The following KNTC1 variants were observed in gnomAD, a reference collection of about 807,000 sequenced individuals.
The protein encoded by KNTC1 is kinetochore associated 1.
In KNTC1, 253 loss-of-function variants were observed where a neutral mutation model predicts 314.4. The observed-to-expected ratio is 0.80, with a 90% CI of 0.73 to 0.89. The LOEUF (loss-of-function observed/expected upper bound fraction) is 0.89. Among genes scored for constraint, KNTC1 ranks in the 40% least tolerant of loss-of-function variants. The probability of loss-of-function intolerance (pLI) is 0.00; values close to 1 mark genes in which losing one functional copy is unlikely to be tolerated. For synonymous variants in KNTC1, 901 were observed against 901.4 expected (o/e 1.00, Z 0.01); for missense variants, 2,475 against 2,572.9 (o/e 0.96, Z 0.82).
rs1871940610 is a variant in KNTC1, at chr12:122,601,727, C to G, written c.4653+102C>G. 4 of 1,099,356 alleles carry G rather than the reference C, an allele frequency of 3.6e-6. No homozygotes were observed. In the African/African-American group the frequency reaches 6.6e-5, roughly 18 times the overall value. 68.1% of individuals were successfully genotyped at this position (1,099,356 alleles called of 1,614,324 possible). The stretch of plus-strand genomic sequence containing the variant: ...GCCTTTCCAAATTATCCATTGAATT[C>G]CCTTTAAACTCTGTGGTTTATTTTA... On this transcript the variant is annotated intron_variant, in intron 45 of 63. Coordinates refer to ENST00000333479, the MANE Select transcript of KNTC1 (RefSeq NM_014708.6).
chr12:122,564,873 A>G (rs1964205734), intron 20 of KNTC1, among the ~76,000 whole-genome samples: 1 of 152,168 alleles, frequency 6.6e-6, no homozygotes, highest in South Asian at 2.1e-4. Context: ...ATTCTGATAA[A>G]TAGATTTAAA....
chr12:122,537,581 G>T (rs954082257), intron 3 of KNTC1, among the ~76,000 whole-genome samples: 2 of 151,922 alleles, frequency 1.3e-5, no homozygotes, highest in Admixed American at 6.6e-5. Context: ...ACCATGTCCG[G>T]CTAATTTTAT....
intron 20 of KNTC1, among the ~76,000 whole-genome samples, chr12:122,566,671 A>G (rs1003447816): frequency 4.0e-5 from 6 of 151,846 alleles, no homozygotes; most frequent in African/African-American, 1.5e-4. Flanking sequence ...TGGCCTCCCA[A>G]AGTGCTGGGT....
Position 122,568,243 on chromosome 12 carries a change from CCTT to C in KNTC1, c.1605-14_1605-12del, listed in dbSNP as rs1565965351. The C allele has an allele frequency of 1.4e-5, 17 of 1,215,146 alleles. No individual in the cohort carries two copies. Among genetic ancestry groups the C allele is most frequent in the African/African-American group, 3.1e-5 (2 of 65,296 alleles). The allele number at this position is 1,215,146 out of a possible 1,614,324, so 75.3% of individuals were successfully genotyped here. ...ATTTTTTTTAAAACTGACTTTTTTC[CCTT>C]CTTTGTCTATTCAGTGGCAGTTCTT... On this transcript the variant is annotated splice_polypyrimidine_tract_variant and intron_variant, in intron 20 of 63. Transcript: ENST00000333479.
chr12:122,572,509 G>T (rs760130464), intron 24 of KNTC1, among the ~76,000 whole-genome samples: 1 of 152,124 alleles, frequency 6.6e-6, no homozygotes, highest in Non-Finnish European at 1.5e-5. Context: ...TCCTCTTGCT[G>T]TAAAACATTA....
chr12:122,618,470 T>TG lies in KNTC1; in HGVS notation c.6086-12_6086-11insG, dbSNP rs747054684. 1.6e-4 allele frequency: 261 copies of TG among 1,609,586 alleles called. No homozygotes were observed. Among genetic ancestry groups the TG allele is most frequent in the Middle Eastern group, 8.3e-4 (5 of 6,060 alleles). ...TGTGTATATCATGGTTGTTTTTTTG[T>TG]TTTGTTTTCAGCCTCTTGTCCTTTA... On this transcript the variant is annotated splice_polypyrimidine_tract_variant and intron_variant, in intron 58 of 63. Coordinates refer to ENST00000333479, the MANE Select transcript of KNTC1 (RefSeq NM_014708.6).
At chr12:122,562,975 C>A (rs938620618) in intron 20 of KNTC1, among the ~76,000 whole-genome samples, 3 of 151,784 alleles carry the variant, frequency 2.0e-5, no homozygotes, top group African/African-American at 7.3e-5. Context: ...TGCCACTGCA[C>A]CCCAGCCTGG....
chr12:122,601,655 T>C (rs1871927270), intron 45 of KNTC1, 30 bp downstream of exon 45: 2 of 1,445,096 alleles, frequency 1.4e-6, no homozygotes, highest in African/African-American at 1.5e-5. Flanking sequence ...GATGTAAAAA[T>C]CATCTTTCTG....
intron 29 of KNTC1, among the ~76,000 whole-genome samples, chr12:122,576,334 G>A (rs1051863525): frequency 1.3e-4 from 20 of 152,114 alleles, no homozygotes; most frequent in African/African-American, 4.8e-4. Context: ...CTCCCATAGT[G>A]TTGGGATTAC....
At chr12:122,614,914 C>A in intron 55 of KNTC1, 77 bp from the exon 56 acceptor site, 2 of 953,220 alleles carry the variant, frequency 2.1e-6, no homozygotes, top group Non-Finnish European at 3.2e-6. Flanking sequence ...TTGTATTAAG[C>A]TGCCCTACTT....
intron 43 of KNTC1, 146 bp downstream of exon 43, chr12:122,594,531 C>G (rs1870767339): frequency 8.3e-6 from 5 of 599,638 alleles, no homozygotes; most frequent in Non-Finnish European, 1.5e-5. Context: ...AATATGAAAT[C>G]AGATTAGAGT....
chr12:122,563,592 A>G, intron 20 of KNTC1: 1 of 329,626 alleles, frequency 3.0e-6, no homozygotes. Flanking sequence ...TCCTAGTAGT[A>G]AATTTACCCA....
At chr12:122,582,394 G>A (rs1868539534) in intron 33 of KNTC1, among the ~76,000 whole-genome samples, 1 of 152,146 alleles carries the variant, frequency 6.6e-6, no homozygotes. Context: ...TCCAGCCTGG[G>A]CAACAGAGTG....
intron 7 of KNTC1, 70 bp downstream of exon 7, chr12:122,543,704 GTATATAATTGGTCTACTTCTTGATATT>G: frequency 1.1e-6 from 1 of 881,804 alleles, no homozygotes; most frequent in Non-Finnish European, 1.7e-6. Context: ...GAATGTTTCT[GTATATAATTGGTCTACTTCTTGATATT>G]TTAGAAATTA....
intron 24 of KNTC1, 60 bp downstream of exon 24, chr12:122,571,186 C>T: frequency 7.9e-7 from 1 of 1,270,872 alleles, no homozygotes; most frequent in Non-Finnish European, 1.1e-6. Context: ...AAGGGTTTGT[C>T]TGCATGTATG....
At chr12:122,595,102 C>G (rs1870856417) in intron 43 of KNTC1, among the ~76,000 whole-genome samples, 1 of 152,232 alleles carries the variant, frequency 6.6e-6, no homozygotes, top group Non-Finnish European at 1.5e-5. Context: ...TCCCGAACTC[C>G]TGACCTCAAG....
chr12:122,588,343 G>A (rs954571766), intron 39 of KNTC1, among the ~76,000 whole-genome samples: 1 of 152,036 alleles, frequency 6.6e-6, no homozygotes, highest in Non-Finnish European at 1.5e-5. Context: ...TTGATAACTC[G>A]CTTATGAAAC....
chr12:122,556,991 A>G (rs1963644413), intron 16 of KNTC1, among the ~76,000 whole-genome samples: 1 of 148,524 alleles, frequency 6.7e-6, no homozygotes, highest in Admixed American at 6.7e-5. Context: ...CCTGGGCTCA[A>G]ATGGTTGTCC....
In KNTC1 at chr12:122,586,701, A is replaced by G; in HGVS notation, c.3674A>G (p.Glu1225Gly). The change falls in exon 38 of 64, where the codon GAA (glutamate) becomes GGA (glycine). Residue 1225 changes from glutamate to glycine, a missense_variant and splice_region_variant. Glu to Gly is a moderately conservative substitution (Grantham distance 98, BLOSUM62 -2). Coordinates refer to ENST00000333479, the MANE Select transcript of KNTC1 (RefSeq NM_014708.6). ...TTTAATGTTTTATTATCTTTTGTAG[A>G]AAGCAAGAGATATCCCTTGGAGTCT... ...ELISSLVPLA[E>G]SKRYPLESTS... 6.9e-7 allele frequency: 1 copy of G among 1,454,286 alleles called. No individual in the cohort carries two copies. The highest frequency in any genetic ancestry group is 9.2e-7 in the Non-Finnish European group (1 of 1,087,312). 90.1% of individuals were successfully genotyped at this position (1,454,286 alleles called of 1,614,324 possible).
Sources: gnomAD v4.1 joint callset for allele counts (sites outside exome capture counted in the v4.1 genomes callset) on GRCh38, gnomAD v4.1.1 for gene constraint, MANE v1.5 for transcripts, NCBI Gene and HGNC (gene_info 2026-07-23, HGNC 2026-07-21) for gene names.